Variants in PRDM6 observed in about 807,000 individuals in gnomAD.
The protein encoded by PRDM6 is PR/SET domain 6, also known as putative histone-lysine N-methyltransferase PRDM6.
In PRDM6, 25 loss-of-function variants were observed where a neutral mutation model predicts 60.8. That is an observed-to-expected ratio of 0.41 (90% CI 0.30 to 0.57). The LOEUF (loss-of-function observed/expected upper bound fraction) is 0.57. Among genes scored for constraint, PRDM6 ranks in the 20% least tolerant of loss-of-function variants. PRDM6 has a pLI of 0.27. For synonymous variants in PRDM6, 407 were observed against 357.4 expected, an observed-to-expected ratio of 1.14 and a Z score of -1.57; for missense variants, 839 against 821.3, an observed-to-expected ratio of 1.02 and a Z score of -0.26.
In PRDM6 at chr5:123,159,639, G is replaced by A; in HGVS notation, c.1153+1G>A. 6.4e-7 allele frequency: 1 copy of A among 1,550,572 alleles called. No individual in the cohort carries two copies. Among genetic ancestry groups the A allele is most frequent in the South Asian group, 1.2e-5 (1 of 83,700 alleles). ...CAATGCATTGCCCAGGATGAAAACT[G>A]TAAGAATTTATTTTAGCTCTGAATT... is the stretch of plus-strand genomic sequence containing the variant. On this transcript the variant is annotated splice_donor_variant, in intron 5 of 7. Transcript: ENST00000407847. LOFTEE classifies it high-confidence loss of function.
At chr5:123,184,573 G>T (rs185239704) in intron 7 of PRDM6, among the ~76,000 whole-genome samples, 1 of 152,162 alleles carries the variant, frequency 6.6e-6, no homozygotes, top group Admixed American at 6.5e-5. Context: ...TCCAGGCTTA[G>T]AGATGCCCCT....
intron 3 of PRDM6, among the ~76,000 whole-genome samples, chr5:123,138,848 G>A (rs1238050682): frequency 6.6e-6 from 1 of 152,194 alleles, no homozygotes; most frequent in Non-Finnish European, 1.5e-5. Context: ...TAAGCACCAT[G>A]TTTCCTGCGC....
At chr5:123,097,019 CATT>C (rs1481396082) in intron 2 of PRDM6, among the ~76,000 whole-genome samples, 3 of 152,058 alleles carry the variant, frequency 2.0e-5, no homozygotes, top group Admixed American at 6.5e-5. Context: ...CCATTTGCAT[CATT>C]GAGTCAAGCA....
chr5:123,090,191 G>A lies in PRDM6; in HGVS notation c.177G>A (p.Pro59=), dbSNP rs940295292. The A allele has an allele frequency of 4.7e-6, 7 of 1,487,410 alleles. No individual in the cohort carries two copies. The highest frequency in any genetic ancestry group is 5.3e-6 in the Non-Finnish European group (6 of 1,122,378). 92.1% of individuals were successfully genotyped at this position (1,487,410 alleles called of 1,614,324 possible). Residue 59 remains proline (P), a synonymous_variant, in exon 2 of 8, where the codon CCG becomes CCA. Transcript: ENST00000407847. ...PLQPPPPPPP[P]ERAEPPPDSL... ...AGCCGCCGCCGCCGCCCCCGCCCCC[G>A]GAGCGCGCTGAGCCTCCGCCGGACA...
chr5:123,149,242 T>C (rs1580519132), intron 3 of PRDM6, among the ~76,000 whole-genome samples: 1 of 152,332 alleles, frequency 6.6e-6, no homozygotes, highest in African/African-American at 2.4e-5. Context: ...TGTTTTCCTC[T>C]CTAGACTGGG....
At chr5:123,168,738 T>C (rs1765818380) in intron 5 of PRDM6, among the ~76,000 whole-genome samples, 1 of 152,250 alleles carries the variant, frequency 6.6e-6, no homozygotes, top group African/African-American at 2.4e-5. Context: ...CTTGCTTTAC[T>C]TTTCTTTCCT....
intron 5 of PRDM6, among the ~76,000 whole-genome samples, chr5:123,168,746 C>T (rs921308817): frequency 2.6e-5 from 4 of 152,248 alleles, no homozygotes; most frequent in African/African-American, 7.2e-5. Flanking sequence ...ACTTTTCTTT[C>T]CTAAGACAGT....
chr5:123,103,611 A>G (rs1201530116), intron 3 of PRDM6, among the ~76,000 whole-genome samples: 3 of 152,034 alleles, frequency 2.0e-5, no homozygotes, highest in African/African-American at 4.8e-5. Flanking sequence ...TTATGAAAAC[A>G]TTATCTCAAT....
At chr5:123,162,435 C>T (rs1212133220) in intron 5 of PRDM6, among the ~76,000 whole-genome samples, 1 of 152,116 alleles carries the variant, frequency 6.6e-6, no homozygotes, top group Non-Finnish European at 1.5e-5. Context: ...TAGTGTCTAA[C>T]CTGAGTGAAG....
At chr5:123,132,685 G>C (rs1764859150) in intron 3 of PRDM6, among the ~76,000 whole-genome samples, 1 of 151,986 alleles carries the variant, frequency 6.6e-6, no homozygotes, top group African/African-American at 2.4e-5. Context: ...TAACATCATA[G>C]AATTGTAGTT....
intron 3 of PRDM6, among the ~76,000 whole-genome samples, chr5:123,136,601 C>T (rs1764958095): frequency 6.6e-6 from 1 of 152,078 alleles, no homozygotes. Context: ...CCAAATTTTT[C>T]TTCTGAATTT....
chr5:123,134,470 A>C (rs1764906153), intron 3 of PRDM6, among the ~76,000 whole-genome samples: 2 of 152,166 alleles, frequency 1.3e-5, no homozygotes, highest in African/African-American at 4.8e-5. Flanking sequence ...TATGTTAACC[A>C]AATATGAATT....
chr5:123,156,420 GA>G (rs769831872), intron 4 of PRDM6, among the ~76,000 whole-genome samples: 7 of 152,136 alleles, frequency 4.6e-5, no homozygotes, highest in Non-Finnish European at 1.0e-4. Flanking sequence ...CTCCTTTGAG[GA>G]ATAGCTTTAT....
At chr5:123,131,431 T>C (rs529091997) in intron 3 of PRDM6, among the ~76,000 whole-genome samples, 2 of 152,306 alleles carry the variant, frequency 1.3e-5, no homozygotes, top group African/African-American at 4.8e-5. Context: ...CATCAAAATT[T>C]CACATATATT....
intron 3 of PRDM6, among the ~76,000 whole-genome samples, chr5:123,111,376 T>C (rs1764307406): frequency 6.6e-6 from 1 of 152,148 alleles, no homozygotes; most frequent in Admixed American, 6.5e-5. Flanking sequence ...TTAACAAATG[T>C]CCCAGGCAGT....
intron 4 of PRDM6, among the ~76,000 whole-genome samples, chr5:123,157,908 C>G (rs1765539478): frequency 6.6e-6 from 1 of 152,214 alleles, no homozygotes; most frequent in South Asian, 2.1e-4. Context: ...CGCCATGAAG[C>G]TATCTTTATG....
At chr5:123,154,260 A>G (rs1765442901) in intron 3 of PRDM6, among the ~76,000 whole-genome samples, 1 of 152,188 alleles carries the variant, frequency 6.6e-6, no homozygotes. Context: ...TAGCCACCCC[A>G]TGCAATGTTT....
intron 3 of PRDM6, among the ~76,000 whole-genome samples, chr5:123,110,120 C>G (rs1396872990): frequency 6.6e-6 from 1 of 151,782 alleles, no homozygotes; most frequent in Non-Finnish European, 1.5e-5. Flanking sequence ...CACTGTTGAC[C>G]CTGTGAAAAG....
chr5:123,136,970 C>T (rs1222947947), intron 3 of PRDM6, among the ~76,000 whole-genome samples: 1 of 152,216 alleles, frequency 6.6e-6, no homozygotes, highest in East Asian at 1.9e-4. Context: ...TTCCCAGCTA[C>T]ATCTCTTTCT....
Sources: gnomAD v4.1 joint callset for allele counts (sites outside exome capture counted in the v4.1 genomes callset) on GRCh38, gnomAD v4.1.1 for gene constraint, MANE v1.5 for transcripts, NCBI Gene and HGNC (gene_info 2026-07-23, HGNC 2026-07-21) for gene names.